Variants in AGMO observed in about 807,000 individuals in gnomAD.
AGMO encodes the protein alkylglycerol monooxygenase.
A neutral mutation model predicts 60.2 loss-of-function variants in AGMO; 75 were observed. That is an observed-to-expected ratio of 1.25 (90% confidence interval 1.03 to 1.51). The LOEUF (loss-of-function observed/expected upper bound fraction) is 1.51, where lower values mean the gene tolerates loss of function less well. Among genes scored for constraint, AGMO ranks in the 40% most tolerant of loss-of-function variants. The pLI is 0.00. For missense variants in AGMO, 763 were observed against 525.5 expected, an observed-to-expected ratio of 1.45 and a Z score of -4.42; for synonymous variants, 261 against 177.1, an observed-to-expected ratio of 1.47 and a Z score of -3.76.
chr7:15,467,854 C>G (rs1282957904), intron 3 of AGMO, among the ~76,000 whole-genome samples: 1 of 151,778 alleles, frequency 6.6e-6, no homozygotes. Context: ...CTTCATATGC[C>G]CCGGTTTTAG....
intron 3 of AGMO, among the ~76,000 whole-genome samples, chr7:15,484,620 T>TTGAA (rs1265138332): frequency 1.4e-4 from 21 of 152,190 alleles, no homozygotes; most frequent in African/African-American, 4.6e-4. Context: ...TATTCCGCTC[T>TTGAA]TGAAATGTTT....
chr7:15,202,853 T>A (rs1187484868), intron 12 of AGMO, among the ~76,000 whole-genome samples: 1 of 152,122 alleles, frequency 6.6e-6, no homozygotes, highest in Non-Finnish European at 1.5e-5. Flanking sequence ...GGGGGGAGTA[T>A]TTTTGAAAGC....
intron 4 of AGMO, among the ~76,000 whole-genome samples, chr7:15,423,439 A>G (rs897726608): frequency 6.6e-6 from 1 of 152,126 alleles, no homozygotes; most frequent in Non-Finnish European, 1.5e-5. Context: ...TCCCATTTCT[A>G]TGCACTTAAC....
At chr7:15,541,246 C>CTGAG in intron 3 of AGMO, among the ~76,000 whole-genome samples, 1 of 152,132 alleles carries the variant, frequency 6.6e-6, no homozygotes, top group East Asian at 1.9e-4. Context: ...CCTCAGCCTC[C>CTGAG]TGAGTAGCTG....
the AGMO span, among the ~76,000 whole-genome samples, chr7:15,171,735 T>G: frequency 2.6e-5 from 4 of 152,062 alleles, no homozygotes; most frequent in African/African-American, 7.2e-5. Flanking sequence ...TCTAACAAGT[T>G]TCTTATTAAC....
At chr7:15,493,670 C>T (rs542400344) in intron 3 of AGMO, among the ~76,000 whole-genome samples, 7 of 152,180 alleles carry the variant, frequency 4.6e-5, no homozygotes, top group African/African-American at 1.7e-4. Flanking sequence ...CCACCGCGCC[C>T]GGCCCACATT....
chr7:15,167,413 A>G, the AGMO span, among the ~76,000 whole-genome samples: 5 of 152,346 alleles, frequency 3.3e-5, no homozygotes, highest in African/African-American at 1.2e-4. Flanking sequence ...TTCAATAATA[A>G]TAAGTAGGCA....
chr7:15,246,587 C>T (rs1462745918), intron 12 of AGMO, among the ~76,000 whole-genome samples: 1 of 152,120 alleles, frequency 6.6e-6, no homozygotes, highest in Non-Finnish European at 1.5e-5. Context: ...CATATTTTTA[C>T]TGTTTTATCT....
At chr7:15,133,052 G>A in the AGMO span, among the ~76,000 whole-genome samples, 1 of 152,150 alleles carries the variant, frequency 6.6e-6, no homozygotes, top group African/African-American at 2.4e-5. Flanking sequence ...GATATGGTAA[G>A]CAATTACATT....
At chr7:15,403,987 T>C (rs1784623263) in intron 5 of AGMO, among the ~76,000 whole-genome samples, 1 of 151,954 alleles carries the variant, frequency 6.6e-6, no homozygotes, top group African/African-American at 2.4e-5. Context: ...CCAAATGTTT[T>C]CCTGTTTGAT....
intron 4 of AGMO, among the ~76,000 whole-genome samples, chr7:15,421,424 A>G (rs1255418391): frequency 6.6e-6 from 1 of 152,172 alleles, no homozygotes; most frequent in African/African-American, 2.4e-5. Flanking sequence ...ACATCTTTTT[A>G]AGCATGTAAG....
chr7:15,216,833 A>AGTGTGTGTGTGTGTGTGTGT (rs1181410197), intron 12 of AGMO, among the ~76,000 whole-genome samples: 10 of 147,114 alleles, frequency 6.8e-5, no homozygotes, highest in African/African-American at 2.5e-4. Flanking sequence ...TGAAAGAAAA[A>AGTGTGTGTGTGTGTGTGTGT]GTGTGTGTGT....
intron 12 of AGMO, among the ~76,000 whole-genome samples, chr7:15,336,586 T>C (rs577513364): frequency 1.3e-5 from 2 of 152,254 alleles, no homozygotes; most frequent in African/African-American, 4.8e-5. Flanking sequence ...GAAATTTCAA[T>C]TGTCATTTAA....
downstream of AGMO, among the ~76,000 whole-genome samples, chr7:15,197,146 T>C (rs1295440512): frequency 6.6e-6 from 1 of 152,124 alleles, no homozygotes; most frequent in African/African-American, 2.4e-5. Flanking sequence ...TGTTTTAAGA[T>C]TCTGAAAGTC....
intron 12 of AGMO, among the ~76,000 whole-genome samples, chr7:15,340,745 G>A (rs1327139496): frequency 6.6e-6 from 1 of 152,200 alleles, no homozygotes; most frequent in Admixed American, 6.5e-5. Flanking sequence ...GGTTGTCCAG[G>A]CAGAGGTGTG....
intron 12 of AGMO, among the ~76,000 whole-genome samples, chr7:15,266,851 T>A (rs760234291): frequency 1.6e-4 from 24 of 151,806 alleles, no homozygotes; most frequent in African/African-American, 5.3e-4. Context: ...TGACATCACC[T>A]AATATTTACA....
At chr7:15,290,227 C>T (rs1243341648) in intron 12 of AGMO, among the ~76,000 whole-genome samples, 2 of 151,932 alleles carry the variant, frequency 1.3e-5, no homozygotes, top group African/African-American at 4.8e-5. Flanking sequence ...TGGGGTTTCA[C>T]CATATTGGTC....
At chr7:15,545,579 G>T (rs1784757213) in intron 2 of AGMO, among the ~76,000 whole-genome samples, 1 of 151,736 alleles carries the variant, frequency 6.6e-6, no homozygotes. Context: ...ATAAACTAGG[G>T]TTTTCATAAT....
chr7:15,343,105 G>A (rs1024758917), intron 12 of AGMO, among the ~76,000 whole-genome samples: 2 of 151,760 alleles, frequency 1.3e-5, no homozygotes, highest in South Asian at 4.2e-4. Context: ...AGCAATAATT[G>A]GAATCTAAAA....
Sources: gnomAD v4.1 joint callset for allele counts (sites outside exome capture counted in the v4.1 genomes callset) on GRCh38, gnomAD v4.1.1 for gene constraint, MANE v1.5 for transcripts, NCBI Gene and HGNC (gene_info 2026-07-23, HGNC 2026-07-21) for gene names.